The following MYO1A variants were observed in gnomAD, a reference collection of about 807,000 sequenced individuals.
MYO1A encodes myosin IA, also known as unconventional myosin-Ia.
MYO1A carries 127 observed loss-of-function variants against 138.5 expected under a neutral mutation model. That is an observed-to-expected ratio of 0.92 (90% CI 0.79 to 1.06). MYO1A has a LOEUF of 1.06. Among genes scored for constraint, MYO1A ranks in the 50% least tolerant of loss-of-function variants. The probability of loss-of-function intolerance (pLI) is 0.00; values close to 1 mark genes in which losing one functional copy is unlikely to be tolerated. For missense variants in MYO1A, 1,211 were observed against 1,288.8 expected, an observed-to-expected ratio of 0.94 and a Z score of 0.92; for synonymous variants, 477 against 497.5, an observed-to-expected ratio of 0.96 and a Z score of 0.55.
chr12:57,037,140 G>A (rs770539737), intron 19 of MYO1A, 49 bp from the exon 20 acceptor site: 10 of 1,609,860 alleles, frequency 6.2e-6, no homozygotes, highest in Non-Finnish European at 5.1e-6. Context: ...CAGGGGAACA[G>A]TGCTGTCCTC....
intron 22 of MYO1A, among the ~76,000 whole-genome samples, chr12:57,035,580 C>G (rs2030498860): frequency 1.3e-5 from 2 of 152,216 alleles, no homozygotes; most frequent in Admixed American, 1.3e-4. Flanking sequence ...GTCCAAGATC[C>G]CATGCTCTTC....
At chr12:57,036,102 A>G (rs1483363110) in intron 22 of MYO1A, among the ~76,000 whole-genome samples, 1 of 152,222 alleles carries the variant, frequency 6.6e-6, no homozygotes, top group African/African-American at 2.4e-5. Flanking sequence ...CACTCATGCC[A>G]AAATGCTATC....
chr12:57,037,578 C>T lies in MYO1A; in HGVS notation c.2025G>A (p.Lys675=). 1 of 1,614,166 alleles carries T rather than the reference C, an allele frequency of 6.2e-7. No individual in the cohort carries two copies. The highest frequency in any genetic ancestry group is 8.5e-7 in the Non-Finnish European group (1 of 1,180,014). The stretch of plus-strand genomic sequence containing the variant: ...TGGGGCTTCTAATGAAGATCTTTGT[C>T]TTGCCAAAGGCCAGCTCCCCCGAGG... ...SMSSGELAFG[K]TKIFIRSPKT... The change falls in exon 19 of 28, where the codon AAG becomes AAA. Residue 675 remains lysine (K), a synonymous_variant. Transcript: ENST00000300119.
intron 10 of MYO1A, 112 bp downstream of exon 10, chr12:57,043,744 G>A: frequency 7.1e-7 from 1 of 1,412,114 alleles, no homozygotes; most frequent in Non-Finnish European, 9.8e-7. Context: ...GGAGTGGGCT[G>A]AGTGGGACTG....
intron 14 of MYO1A, 143 bp from the exon 15 acceptor site, chr12:57,039,417 T>C: frequency 1.4e-6 from 1 of 717,094 alleles, no homozygotes; most frequent in East Asian, 2.7e-5. Context: ...GATTTCTATT[T>C]ATGTCCCCAT....
At chr12:57,046,967 CTT>C (rs754517771) in intron 6 of MYO1A, 41 bp from the exon 7 acceptor site, 1 of 1,611,872 alleles carries the variant, frequency 6.2e-7, no homozygotes, top group Non-Finnish European at 8.5e-7. Context: ...GCTTCTTCCT[CTT>C]CTCACCACCC....
At chr12:57,029,957 G>T in intron 24 of MYO1A, 85 bp from the exon 25 acceptor site, 1 of 1,600,132 alleles carries the variant, frequency 6.2e-7, no homozygotes, top group Non-Finnish European at 8.6e-7. Flanking sequence ...GTCCTCCCGG[G>T]CCCTTCCCCC....
At position 57,028,874 on chromosome 12, in the gene MYO1A, C is replaced by T; in HGVS notation, c.3013G>A (p.Val1005Met). ...GCCACACTGTTCTCCTTGAACCTCA[C>T]TGAGAACCTGGAGAGGGAACAGAAA... Reference protein sequence around the residue: ...LTVTVTEKFSVRFKENSVAVK... With the variant: ...LTVTVTEKFSMRFKENSVAVK... Residue 1005 changes from valine (V) to methionine (M), a missense_variant, in exon 28 of 28, where the codon GTG becomes ATG. Coordinates refer to ENST00000300119, the MANE Select transcript of MYO1A (RefSeq NM_005379.4). 2 of 1,614,054 alleles carry T rather than the reference C, an allele frequency of 1.2e-6. No homozygotes were observed. Among genetic ancestry groups the T allele is most frequent in the South Asian group, 2.2e-5 (2 of 91,078 alleles).
intron 4 of MYO1A, 22 bp from the exon 5 acceptor site, chr12:57,047,429 A>G (rs1278651570): frequency 9.3e-6 from 15 of 1,608,146 alleles, no homozygotes; most frequent in African/African-American, 2.7e-5. Flanking sequence ...AAACGCTCTC[A>G]TGGGTCCCCA....
chr12:57,028,925 C>T (rs750372080), intron 27 of MYO1A, 44 bp from the exon 28 acceptor site: 4 of 1,607,856 alleles, frequency 2.5e-6, no homozygotes, highest in Non-Finnish European at 3.4e-6. Flanking sequence ...CATCCCCTCA[C>T]CCCGACTCCC....
At chr12:57,036,226 G>T in intron 22 of MYO1A, 81 bp downstream of exon 22, 1 of 1,378,930 alleles carries the variant, frequency 7.3e-7, no homozygotes, top group Non-Finnish European at 1.0e-6. Context: ...AAAGCTTTGG[G>T]TTGCCTCTTC....
rs543059803 is a variant in MYO1A, at chr12:57,032,130, C to T, written c.2350-956G>A. ...TCAAAGCCCTCCCTGATTCCCCAAGCCCCGGATTGCCTCTCCTTTCTTTGA... is the reference window on the plus strand; with the variant it reads ...TCAAAGCCCTCCCTGATTCCCCAAGTCCCGGATTGCCTCTCCTTTCTTTGA... On this transcript the variant is annotated intron_variant, in intron 22 of 27. Coordinates refer to ENST00000300119, the MANE Select transcript of MYO1A (RefSeq NM_005379.4). Among the ~76,000 whole-genome samples, 3 of 152,354 alleles carry T rather than the reference C, an allele frequency of 2.0e-5. No individual in the cohort carries two copies. In the East Asian group the frequency reaches 5.8e-4, roughly 29 times the overall value.
intron 22 of MYO1A, 96 bp downstream of exon 22, chr12:57,036,211 G>A: frequency 8.1e-7 from 1 of 1,229,052 alleles, no homozygotes; most frequent in Admixed American, 1.7e-5. Flanking sequence ...GGAAACTCTT[G>A]GGGGAAAGCT....
chr12:57,037,452 T>C, intron 19 of MYO1A, 96 bp downstream of exon 19: 1 of 1,085,910 alleles, frequency 9.2e-7, no homozygotes, highest in South Asian at 1.2e-5. Flanking sequence ...CAGTGATCCA[T>C]TCCAGGTTAT....
chr12:57,031,057 G>A lies in MYO1A; in HGVS notation c.2467C>T (p.Leu823Phe), dbSNP rs1419145195. The change falls in exon 23 of 28, where the codon CTC (leucine) becomes TTC (phenylalanine). Residue 823 changes from leucine (L) to phenylalanine (F), a missense_variant. Transcript: ENST00000300119. ...LSTANQELQQ[L>F]FYQWKCKRFR... ...CCACTTGCCTTCCACTGGTAGAAGA[G>A]CTGCTGCAGCTCCTGATTTGCTGTG... 2.5e-6 allele frequency: 4 copies of A among 1,614,090 alleles called. No homozygotes were observed. The East Asian group carries it at 8.9e-5, about 36-fold the overall frequency.
intron 12 of MYO1A, among the ~76,000 whole-genome samples, chr12:57,042,425 A>G (rs1192058053): frequency 6.6e-6 from 1 of 152,168 alleles, no homozygotes; most frequent in Non-Finnish European, 1.5e-5. Flanking sequence ...TTTGGCTATT[A>G]CAAATAAGGC....
At chr12:57,029,357 A>G in intron 26 of MYO1A, 78 bp downstream of exon 26, 5 of 1,613,336 alleles carry the variant, frequency 3.1e-6, no homozygotes, top group Non-Finnish European at 4.2e-6. Flanking sequence ...TCTGGTCCCC[A>G]TCACCTCCAG....
intron 24 of MYO1A, 38 bp from the exon 25 acceptor site, chr12:57,029,910 C>T: frequency 6.2e-7 from 1 of 1,614,112 alleles, no homozygotes; most frequent in Non-Finnish European, 8.5e-7. Context: ...CGACAAGGCC[C>T]AGAGGCCTCT....
At position 57,043,291 on chromosome 12, in the gene MYO1A, C is replaced by A. The variant is rs148965376; in HGVS notation, c.960G>T (p.Arg320Ser). 1.9e-6 allele frequency: 3 copies of A among 1,614,192 alleles called. No homozygotes were observed. Among genetic ancestry groups the A allele is most frequent in the East Asian group, 2.2e-5 (1 of 44,888 alleles). ...CCTTTTCCTTGGCTGTTTCCATGGT[C>A]CTCGAGCACAAAGCTCTCTCTACTT... is the stretch of plus-strand genomic sequence containing the variant. ...SEEVERALCS[R>S]TMETAKEKVV... The change falls in exon 11 of 28, where the codon AGG (arginine) becomes AGT (serine). Residue 320 changes from arginine to serine, a missense_variant. By Grantham distance (110) the Arg-to-Ser change is moderately radical. Coordinates refer to ENST00000300119, the MANE Select transcript of MYO1A (RefSeq NM_005379.4).
Sources: allele counts gnomAD v4.1 joint callset (sites outside exome capture counted in the v4.1 genomes callset), GRCh38; gene constraint gnomAD v4.1.1; transcripts MANE v1.5; gene names NCBI Gene and HGNC (gene_info 2026-07-23, HGNC 2026-07-21).